Variants in PTPRD observed in about 807,000 individuals in gnomAD.
The protein encoded by PTPRD is receptor-type tyrosine-protein phosphatase delta.
In PTPRD, 34 loss-of-function variants were observed where a neutral mutation model predicts 214.5. That is an observed-to-expected ratio of 0.16 (90% CI 0.12 to 0.21). The LOEUF is 0.21. Ranked by LOEUF, PTPRD falls within the 10% of genes least tolerant of loss-of-function variation. PTPRD has a pLI of 1.00. For synonymous variants in PTPRD, 1,128 were observed against 845.7 expected (o/e 1.33, Z -5.79); for missense variants, 2,545 against 2,398.7 (o/e 1.06, Z -1.27).
At chr9:9,187,780 A>AT (rs5896309) in intron 9 of PTPRD, among the ~76,000 whole-genome samples, 1,885 of 149,206 alleles carry the variant, frequency 0.013, 25 homozygotes, top group African/African-American at 0.039. Context: ...GAATAAGAGG[A>AT]TTTTTTTTTT....
intron 2 of PTPRD, among the ~76,000 whole-genome samples, chr9:10,369,905 C>T (rs1017993050): frequency 2.6e-5 from 4 of 151,986 alleles, no homozygotes; most frequent in Non-Finnish European, 5.9e-5. Context: ...AAAAAAAGAA[C>T]AATAATGAGA....
intron 3 of PTPRD, among the ~76,000 whole-genome samples, chr9:10,133,860 G>C (rs1251254302): frequency 6.6e-6 from 1 of 152,054 alleles, no homozygotes; most frequent in Non-Finnish European, 1.5e-5. Flanking sequence ...TGCTTGTTAT[G>C]TGATTTTTTG....
intron 4 of PTPRD, among the ~76,000 whole-genome samples, chr9:9,990,935 G>C (rs1588325698): frequency 1.6e-5 from 1 of 62,382 alleles, no homozygotes; most frequent in African/African-American, 6.8e-5. Context: ...GAGTAAAATA[G>C]TCTTTTTTTT....
chr9:9,515,089 G>C (rs1341451387), intron 8 of PTPRD, among the ~76,000 whole-genome samples: 1 of 151,974 alleles, frequency 6.6e-6, no homozygotes, highest in Non-Finnish European at 1.5e-5. Context: ...CAATCATTCA[G>C]GGAGCTAAAA....
chr9:9,587,440 AG>A (rs2092176431), intron 7 of PTPRD, among the ~76,000 whole-genome samples: 2 of 152,052 alleles, frequency 1.3e-5, no homozygotes, highest in African/African-American at 4.8e-5. Context: ...TAGATAGGAG[AG>A]GGGCTTGCTA....
intron 2 of PTPRD, among the ~76,000 whole-genome samples, chr9:10,485,060 T>C (rs1347563748): frequency 6.6e-6 from 1 of 151,936 alleles, no homozygotes; most frequent in Non-Finnish European, 1.5e-5. Flanking sequence ...GAGATAGAGG[T>C]CTAGTTTCAT....
rs569795140 is a variant in PTPRD, at chr9:10,594,182, A to G, written c.-600+18216T>C. On this transcript the variant is annotated intron_variant, in intron 2 of 45. Transcript: ENST00000381196. ...AGCAGATTACATAATCTACTTTACT[A>G]TAATTACAGAGGACACTTTACTTCT... is the stretch of plus-strand genomic sequence containing the variant. Among the ~76,000 whole-genome samples, 15 of 152,118 alleles carry G rather than the reference A, an allele frequency of 9.9e-5. No homozygotes were observed. In the East Asian group the frequency reaches 1.9e-3, roughly 20 times the overall value.
chr9:9,963,752 T>G (rs2094505349), intron 4 of PTPRD, among the ~76,000 whole-genome samples: 1 of 152,130 alleles, frequency 6.6e-6, no homozygotes, highest in African/African-American at 2.4e-5. Flanking sequence ...AGAGGTGATA[T>G]ATGAAGAGAT....
At chr9:10,128,025 A>G (rs1317305752) in intron 3 of PTPRD, among the ~76,000 whole-genome samples, 1 of 152,160 alleles carries the variant, frequency 6.6e-6, no homozygotes, top group Admixed American at 6.6e-5. Flanking sequence ...CTTGGTAGCT[A>G]CAATAAGTCT....
intron 9 of PTPRD, among the ~76,000 whole-genome samples, chr9:9,379,628 G>C (rs1431700650): frequency 2.6e-5 from 4 of 152,024 alleles, no homozygotes; most frequent in Non-Finnish European, 5.9e-5. Context: ...AAGTTGGGAA[G>C]AACTGACATC....
Position 10,267,118 on chromosome 9 carries a change from G to C in PTPRD, c.-545+73845C>G, listed in dbSNP as rs375899506. Among the ~76,000 whole-genome samples, 38 of 151,156 alleles carry C rather than the reference G, an allele frequency of 2.5e-4. 1 individual carries two copies. Among genetic ancestry groups the C allele is most frequent in the South Asian group, 4.2e-4 (2 of 4,760 alleles). On this transcript the variant is annotated intron_variant, in intron 3 of 45. Coordinates refer to ENST00000381196, the MANE Select transcript of PTPRD (RefSeq NM_002839.4). ...AGGCAGGAGAGTCGCCTGAACTCGGGGGGCAGAGGTTGCAGTGAGCCGACA... is the reference window on the plus strand; with the variant it reads ...AGGCAGGAGAGTCGCCTGAACTCGGCGGGCAGAGGTTGCAGTGAGCCGACA...
At chr9:10,438,076 G>A (rs888941927) in intron 2 of PTPRD, among the ~76,000 whole-genome samples, 4 of 146,098 alleles carry the variant, frequency 2.7e-5, no homozygotes, top group African/African-American at 1.1e-4. Flanking sequence ...TCATGGTTCA[G>A]AAAAATTTGA....
At chr9:10,394,615 G>C (rs1316514636) in intron 2 of PTPRD, among the ~76,000 whole-genome samples, 1 of 151,876 alleles carries the variant, frequency 6.6e-6, no homozygotes, top group African/African-American at 2.4e-5. Context: ...CACTCTTTAA[G>C]TGAGTAACTC....
intron 11 of PTPRD, among the ~76,000 whole-genome samples, chr9:8,965,183 G>A (rs976353641): frequency 2.6e-5 from 4 of 151,994 alleles, no homozygotes; most frequent in Non-Finnish European, 5.9e-5. Context: ...TTCGAGACCA[G>A]CCTGGCCAAC....
At chr9:9,099,433 T>G (rs2099788250) in intron 10 of PTPRD, among the ~76,000 whole-genome samples, 1 of 152,190 alleles carries the variant, frequency 6.6e-6, no homozygotes, top group Admixed American at 6.5e-5. Context: ...GTCTGTGGAC[T>G]GTATCAGTCT....
intron 2 of PTPRD, among the ~76,000 whole-genome samples, chr9:10,363,739 T>TAAACCAATAAA (rs2097442642): frequency 6.6e-6 from 1 of 152,128 alleles, no homozygotes; most frequent in African/African-American, 2.4e-5. Flanking sequence ...ATTGTCCAAA[T>TAAACCAATAAA]AAACCAATAA....
At chr9:10,301,877 C>T (rs922531916) in intron 3 of PTPRD, among the ~76,000 whole-genome samples, 2 of 152,124 alleles carry the variant, frequency 1.3e-5, no homozygotes, top group South Asian at 4.1e-4. Context: ...ACTTCACCAA[C>T]GTAGCAAGAC....
intron 4 of PTPRD, among the ~76,000 whole-genome samples, chr9:9,970,061 T>C (rs1291228079): frequency 2.0e-5 from 3 of 152,016 alleles, no homozygotes; most frequent in Admixed American, 6.5e-5. Context: ...GGCCTTAAGG[T>C]GAAAAGGAGA....
intron 2 of PTPRD, among the ~76,000 whole-genome samples, chr9:10,523,827 C>T (rs1286395787): frequency 1.3e-5 from 2 of 151,154 alleles, no homozygotes; most frequent in East Asian, 2.0e-4. Context: ...ATTTCAGGGG[C>T]CTAACTATAT....
Sources: gnomAD v4.1 joint callset for allele counts (sites outside exome capture counted in the v4.1 genomes callset) on GRCh38, gnomAD v4.1.1 for gene constraint, MANE v1.5 for transcripts, NCBI Gene and HGNC (gene_info 2026-07-23, HGNC 2026-07-21) for gene names.